Variants in UBE2E3 observed in about 807,000 individuals in gnomAD.
The protein encoded by UBE2E3 is ubiquitin conjugating enzyme E2 E3, also known as ubiquitin-conjugating enzyme E2 E3.
A neutral mutation model predicts 23.6 loss-of-function variants in UBE2E3; 5 were observed. The ratio of observed to expected loss-of-function variants is 0.21; its 90% CI spans 0.11 to 0.44. The LOEUF is 0.44. UBE2E3 is among the 20% of genes least tolerant of loss of function. The probability of loss-of-function intolerance (pLI) is 0.99; values close to 1 mark genes in which losing one functional copy is unlikely to be tolerated. For missense variants in UBE2E3, 81 were observed against 249.8 expected (o/e 0.32, Z 4.55); for synonymous variants, 78 against 87.5 (o/e 0.89, Z 0.60).
At chr2:181,001,932 G>A (rs1230642497) in intron 3 of UBE2E3, among the ~76,000 whole-genome samples, 2 of 152,160 alleles carry the variant, frequency 1.3e-5, no homozygotes, top group Non-Finnish European at 2.9e-5. Context: ...TTGACGAAAA[G>A]AAATGTGTTT....
chr2:181,046,721 A>C (rs1195798544), intron 3 of UBE2E3, among the ~76,000 whole-genome samples: 1 of 152,150 alleles, frequency 6.6e-6, no homozygotes, highest in African/African-American at 2.4e-5. Flanking sequence ...GATTTTTCAG[A>C]ATTAGAAAAT....
chr2:180,981,867 TGTAC>T (rs112293809), intron 1 of UBE2E3, among the ~76,000 whole-genome samples, 147 bp from the exon 2 acceptor site: 19,659 of 152,262 alleles, frequency 0.13, 1,366 homozygotes, highest in Middle Eastern at 0.19. Context: ...TCACCTCCCT[TGTAC>T]GTACCCCTGT....
At chr2:180,999,547 C>T (rs1253841483) in intron 3 of UBE2E3, among the ~76,000 whole-genome samples, 2 of 152,100 alleles carry the variant, frequency 1.3e-5, no homozygotes, top group Non-Finnish European at 2.9e-5. Flanking sequence ...TTTTACTTTC[C>T]CAGCGGCGTA....
chr2:180,982,903 C>G (rs1684346638), intron 2 of UBE2E3, among the ~76,000 whole-genome samples: 1 of 152,134 alleles, frequency 6.6e-6, no homozygotes, highest in African/African-American at 2.4e-5. Context: ...GGCCTCTTCA[C>G]TCTGAAACTT....
intron 3 of UBE2E3, among the ~76,000 whole-genome samples, chr2:181,012,146 TTG>T (rs1394127562): frequency 2.6e-5 from 4 of 152,212 alleles, no homozygotes; most frequent in Non-Finnish European, 5.9e-5. Flanking sequence ...TTTTTGTCAC[TTG>T]TGATGACATT....
At chr2:181,012,232 G>A in intron 3 of UBE2E3, among the ~76,000 whole-genome samples, 1 of 152,200 alleles carries the variant, frequency 6.6e-6, no homozygotes, top group South Asian at 2.1e-4. Context: ...TTCAGTAAAT[G>A]TACATGTATA....
chr2:181,052,098 A>T (rs1686859759), intron 3 of UBE2E3, among the ~76,000 whole-genome samples: 1 of 151,856 alleles, frequency 6.6e-6, no homozygotes, highest in Non-Finnish European at 1.5e-5. Flanking sequence ...CCATATTATT[A>T]ATCTGAGTGA....
intron 3 of UBE2E3, among the ~76,000 whole-genome samples, chr2:181,003,638 C>T (rs1173352220): frequency 6.6e-6 from 1 of 152,084 alleles, no homozygotes; most frequent in Admixed American, 6.5e-5. Context: ...TATTATAAAA[C>T]TTTATAAAAC....
At position 181,021,632 on chromosome 2, in the gene UBE2E3, T is replaced by C. The variant is rs56152201; in HGVS notation, c.246-36061T>C. Among the ~76,000 whole-genome samples, 75 of 39,898 alleles carry C rather than the reference T, an allele frequency of 1.9e-3. 1 individual carries two copies. Among genetic ancestry groups the C allele is most frequent in the South Asian group, 6.3e-3 (3 of 480 alleles). 26.2% of individuals were successfully genotyped at this position (39,898 alleles called of 152,430 possible). ...CCTTCCTCCCTCTCTCCCTCCCTTT[T>C]TTCCTTCCTTCCTTCCTTCCTTCCT... On this transcript the variant is annotated intron_variant, in intron 3 of 5. Transcript: ENST00000410062.
intron 5 of UBE2E3, 58 bp downstream of exon 5, chr2:181,060,870 T>A: frequency 1.2e-6 from 1 of 831,986 alleles, no homozygotes; most frequent in Non-Finnish European, 1.7e-6. Flanking sequence ...GCTTTTTTTT[T>A]TTTTTTTTTT....
At chr2:181,003,944 A>G (rs1685063201) in intron 3 of UBE2E3, among the ~76,000 whole-genome samples, 1 of 152,236 alleles carries the variant, frequency 6.6e-6, no homozygotes, top group African/African-American at 2.4e-5. Context: ...GAAATTATAT[A>G]ACTAGTCTAA....
chr2:181,047,563 T>C (rs555861773), intron 3 of UBE2E3, among the ~76,000 whole-genome samples: 7 of 152,108 alleles, frequency 4.6e-5, no homozygotes. Context: ...CTGAAAACTA[T>C]AAGCTATTCT....
At chr2:181,010,414 G>A (rs527591074) in intron 3 of UBE2E3, among the ~76,000 whole-genome samples, 11 of 152,122 alleles carry the variant, frequency 7.2e-5, no homozygotes, top group East Asian at 1.9e-4. Flanking sequence ...TGTACAAGTC[G>A]CGCTCTTATT....
chr2:181,001,485 AC>A lies in UBE2E3; in HGVS notation c.245+17393del, dbSNP rs545034656. Among the ~76,000 whole-genome samples, 11 of 152,318 alleles carry A rather than the reference AC, an allele frequency of 7.2e-5. 1 individual carries two copies. The South Asian group carries it at 2.3e-3, about 32-fold the overall frequency. ...GGGTGGGACATCAAGAAGTGGAAAT[AC>A]AACAAAAGAGACAATTTGGAGAAGG... On this transcript the variant is annotated intron_variant, in intron 3 of 5. Transcript: ENST00000410062.
chr2:181,005,639 A>G (rs1446847274), intron 3 of UBE2E3, among the ~76,000 whole-genome samples: 1 of 152,160 alleles, frequency 6.6e-6, no homozygotes, highest in Non-Finnish European at 1.5e-5. Context: ...GTGGCACCTT[A>G]CTGACATTTG....
chr2:181,043,996 A>T (rs1686596096), intron 3 of UBE2E3, among the ~76,000 whole-genome samples: 1 of 152,040 alleles, frequency 6.6e-6, no homozygotes, highest in East Asian at 1.9e-4. Context: ...ACTTTTATTC[A>T]CGTCTCTGTT....
At chr2:181,032,605 T>G (rs1186983119) in intron 3 of UBE2E3, among the ~76,000 whole-genome samples, 3 of 152,218 alleles carry the variant, frequency 2.0e-5, no homozygotes, top group Non-Finnish European at 4.4e-5. Context: ...ACTCCAGATT[T>G]TTTAACTTGA....
intron 3 of UBE2E3, among the ~76,000 whole-genome samples, chr2:181,033,342 A>G (rs1181568484): frequency 6.6e-6 from 1 of 152,220 alleles, no homozygotes; most frequent in Admixed American, 6.5e-5. Flanking sequence ...ATATAGACCA[A>G]TGGAACAGAA....
intron 3 of UBE2E3, among the ~76,000 whole-genome samples, chr2:181,053,074 T>G (rs1300937009): frequency 6.6e-6 from 1 of 151,824 alleles, no homozygotes; most frequent in Non-Finnish European, 1.5e-5. Context: ...TCTCGTTCTT[T>G]GTGACCAGAA....
Sources: allele counts gnomAD v4.1 joint callset (sites outside exome capture counted in the v4.1 genomes callset), GRCh38; gene constraint gnomAD v4.1.1; transcripts MANE v1.5; gene names NCBI Gene and HGNC (gene_info 2026-07-23, HGNC 2026-07-21).